CLYBL: variants seen among roughly 807,000 people sequenced by gnomAD.
The protein encoded by CLYBL is citramalyl-CoA lyase, mitochondrial.
In CLYBL, 31 loss-of-function variants were observed where a neutral mutation model predicts 38.9. That is an observed-to-expected ratio of 0.80 (90% CI 0.60 to 1.08). The LOEUF (loss-of-function observed/expected upper bound fraction) is 1.08, where lower values mean the gene tolerates loss of function less well. CLYBL is among the 50% of genes least tolerant of loss of function. The pLI, the probability that CLYBL is intolerant of heterozygous loss-of-function variation, is 0.00. For synonymous variants in CLYBL, 171 were observed against 158.6 expected, an observed-to-expected ratio of 1.08 and a Z score of -0.59; for missense variants, 434 against 411.6, an observed-to-expected ratio of 1.05 and a Z score of -0.47.
intron 2 of CLYBL, among the ~76,000 whole-genome samples, chr13:99,848,296 A>G (rs1344867879): frequency 6.6e-6 from 1 of 152,168 alleles, no homozygotes; most frequent in African/African-American, 2.4e-5. Flanking sequence ...CATCGCCACA[A>G]CTGGATGATA....
chr13:99,695,101 A>T (rs1269076715), intron 1 of CLYBL, among the ~76,000 whole-genome samples: 1 of 152,158 alleles, frequency 6.6e-6, no homozygotes, highest in East Asian at 1.9e-4. Flanking sequence ...ATTATTCCAG[A>T]ATTCTAACTT....
intron 1 of CLYBL, among the ~76,000 whole-genome samples, chr13:99,707,512 T>C (rs2048164540): frequency 6.6e-6 from 1 of 152,162 alleles, no homozygotes; most frequent in Non-Finnish European, 1.5e-5. Flanking sequence ...GACCTCGTGA[T>C]CTGCCCCCCT....
At chr13:99,854,166 TTTCTCG>T (rs1273366447) in intron 2 of CLYBL, among the ~76,000 whole-genome samples, 2 of 152,172 alleles carry the variant, frequency 1.3e-5, no homozygotes, top group African/African-American at 4.8e-5. Context: ...CGCACATAGC[TTTCTCG>T]TTGTTCCTGT....
rs117093415 is a variant in CLYBL, at chr13:99,687,256, T to C, written c.62+80499T>C. Among the ~76,000 whole-genome samples, 484 of 152,362 alleles carry C rather than the reference T, an allele frequency of 3.2e-3. 3 individuals carry two copies. Among genetic ancestry groups the C allele is most frequent in the Non-Finnish European group, 4.4e-3 (302 of 68,024 alleles). ...CCTGGGTTTTATGTATCAGGCCTTA[T>C]GAGGTATGAAGCGGGAAACCTTTTA... is the stretch of plus-strand genomic sequence containing the variant. On this transcript the variant is annotated intron_variant, in intron 1 of 8. Coordinates refer to ENST00000339105, the MANE Select transcript of CLYBL (RefSeq NM_206808.5).
chr13:99,841,402 TTTTA>T (rs2051073523), intron 2 of CLYBL, among the ~76,000 whole-genome samples: 4 of 152,248 alleles, frequency 2.6e-5, no homozygotes, highest in Middle Eastern at 3.4e-3. Context: ...TACTTTTTTT[TTTTA>T]TTTATTTATT....
intron 2 of CLYBL, among the ~76,000 whole-genome samples, chr13:99,833,954 C>G (rs1407218116): frequency 6.6e-6 from 1 of 152,004 alleles, no homozygotes; most frequent in Non-Finnish European, 1.5e-5. Context: ...CCCACCTCAG[C>G]CTGCCAAAGT....
chr13:99,674,337 A>T (rs1015824919), intron 1 of CLYBL, among the ~76,000 whole-genome samples: 1 of 151,614 alleles, frequency 6.6e-6, no homozygotes, highest in Admixed American at 6.6e-5. Context: ...TTTTTAATAA[A>T]GACAGGGGTT....
intron 1 of CLYBL, among the ~76,000 whole-genome samples, chr13:99,743,002 G>C (rs1040604915): frequency 2.7e-5 from 4 of 150,142 alleles, no homozygotes; most frequent in African/African-American, 9.8e-5. Flanking sequence ...CACTAGAAGA[G>C]GGTAGCGGGC....
At chr13:99,610,111 A>C (rs2793753) in intron 1 of CLYBL, among the ~76,000 whole-genome samples, 121,854 of 152,196 alleles carry the variant, frequency 0.8, 48,857 homozygotes, top group East Asian at 0.87. Flanking sequence ...CAGTGTTGCC[A>C]AGGGTGGTCT....
intron 1 of CLYBL, among the ~76,000 whole-genome samples, chr13:99,767,669 A>G (rs2049294926): frequency 1.3e-5 from 2 of 152,044 alleles, no homozygotes; most frequent in South Asian, 4.1e-4. Context: ...CTCAGACTTG[A>G]TAATTTCCAT....
intron 1 of CLYBL, among the ~76,000 whole-genome samples, chr13:99,638,714 C>A (rs1951336803): frequency 6.6e-6 from 1 of 152,176 alleles, no homozygotes; most frequent in South Asian, 2.1e-4. Context: ...TTATTGTTAC[C>A]ATTTTTCCAA....
intron 2 of CLYBL, among the ~76,000 whole-genome samples, chr13:99,811,355 G>T (rs1406613070): frequency 6.6e-6 from 1 of 152,208 alleles, no homozygotes; most frequent in Non-Finnish European, 1.5e-5. Flanking sequence ...GGGAAGGGAG[G>T]CCTCAGCCAG....
chr13:99,677,834 C>T (rs565219288), intron 1 of CLYBL, among the ~76,000 whole-genome samples: 7 of 152,248 alleles, frequency 4.6e-5, no homozygotes, highest in African/African-American at 7.2e-5. Context: ...CAGTACACAT[C>T]GGGTTTCAAT....
chr13:99,724,701 G>A (rs940349266), intron 1 of CLYBL, among the ~76,000 whole-genome samples: 2 of 152,096 alleles, frequency 1.3e-5, no homozygotes, highest in African/African-American at 4.8e-5. Flanking sequence ...AACGCACCGA[G>A]TTACACACAC....
At chr13:99,902,470 C>G (rs549646081) in intron 8 of CLYBL, among the ~76,000 whole-genome samples, 13 of 152,276 alleles carry the variant, frequency 8.5e-5, no homozygotes, top group Admixed American at 2.6e-4. Flanking sequence ...CTATGAAAAT[C>G]AGCATATTTT....
At chr13:99,744,825 G>A (rs1283385999) in intron 1 of CLYBL, among the ~76,000 whole-genome samples, 1 of 152,212 alleles carries the variant, frequency 6.6e-6, no homozygotes, top group Non-Finnish European at 1.5e-5. Flanking sequence ...TGCATCCCAG[G>A]TAGTAGGTCT....
chr13:99,711,564 G>C (rs577598802), intron 1 of CLYBL, among the ~76,000 whole-genome samples: 3 of 151,190 alleles, frequency 2.0e-5, no homozygotes, highest in Non-Finnish European at 4.4e-5. Context: ...GCACCACCAC[G>C]CCCGGCTAAT....
intron 1 of CLYBL, among the ~76,000 whole-genome samples, chr13:99,680,580 A>G (rs1309664764): frequency 6.6e-6 from 1 of 152,224 alleles, no homozygotes; most frequent in Non-Finnish European, 1.5e-5. Context: ...AGAGTTTGTC[A>G]TCACTAGTCG....
intron 7 of CLYBL, among the ~76,000 whole-genome samples, chr13:99,888,076 G>A (rs1338161852): frequency 6.6e-6 from 1 of 152,062 alleles, no homozygotes; most frequent in African/African-American, 2.4e-5. Flanking sequence ...GTCTGGTCTC[G>A]AACTCCTGAC....
Sources: allele counts gnomAD v4.1 joint callset (sites outside exome capture counted in the v4.1 genomes callset), GRCh38; gene constraint gnomAD v4.1.1; transcripts MANE v1.5; gene names NCBI Gene and HGNC (gene_info 2026-07-23, HGNC 2026-07-21).